DLGAP2: variants seen among roughly 807,000 people sequenced by gnomAD.
The protein encoded by DLGAP2 is disks large-associated protein 2.
Under a neutral mutation model 100.3 loss-of-function variants are expected in DLGAP2, and 26 were observed. The ratio of observed to expected loss-of-function variants is 0.26; its 90% CI spans 0.19 to 0.36. The LOEUF is 0.36. Ranked by LOEUF, DLGAP2 falls within the 10% of genes least tolerant of loss-of-function variation. The probability of loss-of-function intolerance (pLI) is 1.00; values close to 1 mark genes in which losing one functional copy is unlikely to be tolerated. For missense variants in DLGAP2, 1,858 were observed against 1,453.2 expected (o/e 1.28, Z -4.53); for synonymous variants, 886 against 630.1 (o/e 1.41, Z -6.08).
chr8:1,472,512 G>A lies in DLGAP2; in HGVS notation c.107-28854G>A, dbSNP rs545806208. Among the ~76,000 whole-genome samples the A allele has an allele frequency of 2.0e-5, 3 of 152,310 alleles. No individual in the cohort carries two copies. The South Asian group carries it at 6.2e-4, about 32-fold the overall frequency. ...TCACTAAACAAGGACAAGGGTAGAA[G>A]CAAGGAGATGAAGCAGGAAATGTCA... On this transcript the variant is annotated intron_variant, in intron 3 of 14. Transcript: ENST00000637795.
chr8:1,573,284 G>A (rs1802820572), intron 6 of DLGAP2, among the ~76,000 whole-genome samples: 3 of 132,686 alleles, frequency 2.3e-5, no homozygotes, highest in African/African-American at 8.8e-5. Flanking sequence ...GACTGTGGGG[G>A]TGTCTGATGA....
chr8:1,194,514 G>A (rs1035378165), intron 2 of DLGAP2, among the ~76,000 whole-genome samples: 2 of 152,134 alleles, frequency 1.3e-5, no homozygotes, highest in Admixed American at 6.5e-5. Flanking sequence ...GTCCCTCTGG[G>A]TCACTCCTTG....
chr8:1,516,635 ATGAG>A (rs893503365), intron 4 of DLGAP2, among the ~76,000 whole-genome samples: 10 of 144,424 alleles, frequency 6.9e-5, no homozygotes, highest in East Asian at 2.0e-4. Flanking sequence ...GAAGGAGTGA[ATGAG>A]TGAGTGAGTG....
chr8:1,258,567 C>A (rs1457221866), intron 2 of DLGAP2, among the ~76,000 whole-genome samples: 1 of 152,078 alleles, frequency 6.6e-6, no homozygotes, highest in Admixed American at 6.6e-5. Flanking sequence ...GCTGCACGTT[C>A]TGCACATGTA....
At position 1,631,753 on chromosome 8, in the gene DLGAP2, C is replaced by T. The variant is rs75343236; in HGVS notation, c.1591-1074C>T. On this transcript the variant is annotated intron_variant, in intron 7 of 14. Coordinates refer to ENST00000637795, the MANE Select transcript of DLGAP2 (RefSeq NM_001346810.2). The stretch of plus-strand genomic sequence containing the variant: ...CAGGGTCCATGCTGAGTTAGGCTCA[C>T]GAGGAAAGAGGCCGTCCTTCCAGCA... Among the ~76,000 whole-genome samples the T allele has an allele frequency of 9.0e-3, 1,374 of 152,294 alleles. 20 individuals are homozygous for T. Among genetic ancestry groups the T allele is most frequent in the African/African-American group, 0.031 (1,304 of 41,550 alleles).
chr8:1,625,875 C>A (rs1436929384), intron 6 of DLGAP2, among the ~76,000 whole-genome samples: 1 of 152,148 alleles, frequency 6.6e-6, no homozygotes, highest in African/African-American at 2.4e-5. Context: ...TTGCATATGG[C>A]AAAGTTACTC....
In DLGAP2 at chr8:1,388,611, G is replaced by A. The variant is rs1214719483; in HGVS notation, c.107-112755G>A. 8.3e-5 allele frequency among the ~76,000 whole-genome samples: 7 copies of A among 84,820 alleles called. 2 individuals carry two copies. The highest frequency in any genetic ancestry group is 1.0e-4 in the Non-Finnish European group (4 of 38,504). 55.6% of individuals were successfully genotyped at this position (84,820 alleles called of 152,430 possible). A position where few individuals can be genotyped will look rare whatever the true frequency, so the allele number is the denominator to read the frequency against. On this transcript the variant is annotated intron_variant, in intron 3 of 14. Coordinates refer to ENST00000637795, the MANE Select transcript of DLGAP2 (RefSeq NM_001346810.2). ...TGTCAGGGCTGTGAGAGCAGAGGCC[G>A]TGGATGGGGAGGCTCTGGTTCAGGT...
chr8:1,583,561 C>T (rs938132710), intron 6 of DLGAP2, among the ~76,000 whole-genome samples: 21 of 152,212 alleles, frequency 1.4e-4, no homozygotes, highest in African/African-American at 5.1e-4. Flanking sequence ...AAAGAAATCA[C>T]AGTTTTTGCA....
chr8:1,529,348 GATTGTC>G (rs1189419401), intron 4 of DLGAP2, among the ~76,000 whole-genome samples: 1 of 152,154 alleles, frequency 6.6e-6, no homozygotes, highest in Non-Finnish European at 1.5e-5. Context: ...GGATTATAGG[GATTGTC>G]ATTGAAGATG....
intron 1 of DLGAP2, among the ~76,000 whole-genome samples, chr8:835,943 C>T (rs1238218724): frequency 6.6e-6 from 1 of 152,144 alleles, no homozygotes; most frequent in Admixed American, 6.5e-5. Flanking sequence ...GTATCAAACG[C>T]AGACCTTTTC....
At chr8:1,039,169 G>A (rs758267405) in intron 2 of DLGAP2, among the ~76,000 whole-genome samples, 5 of 76,534 alleles carry the variant, frequency 6.5e-5, no homozygotes, top group East Asian at 3.6e-4. Context: ...TGGTCAGCTC[G>A]GTGTGCGTGG....
chr8:1,678,450 T>G lies in DLGAP2; in HGVS notation c.2525T>G (p.Leu842Arg). The G allele has an allele frequency of 1.2e-6, 2 of 1,613,538 alleles. No homozygotes were observed. The highest frequency in any genetic ancestry group is 2.2e-5 in the East Asian group (1 of 44,848). The change falls in exon 12 of 15, where the codon CTG becomes CGG. Residue 842 changes from leucine to arginine, a missense_variant. Transcript: ENST00000637795. ...CGGACCCAAGTGGACACCTCCACCCTGCCCCCTCCAGACCCCTGGCTGGAG... is the reference window on the plus strand; with the variant it reads ...CGGACCCAAGTGGACACCTCCACCCGGCCCCCTCCAGACCCCTGGCTGGAG... Reference protein sequence around the residue: ...DYRTQVDTSTLPPPDPWLEPA... With the variant: ...DYRTQVDTSTRPPPDPWLEPA...
At chr8:1,373,280 C>G (rs909818424) in intron 3 of DLGAP2, among the ~76,000 whole-genome samples, 35 of 151,422 alleles carry the variant, frequency 2.3e-4, no homozygotes, top group Non-Finnish European at 4.6e-4. Flanking sequence ...GCGTGCGGCC[C>G]GGAGGGTGTC....
chr8:1,641,533 C>T (rs533005468), intron 8 of DLGAP2, among the ~76,000 whole-genome samples: 6 of 152,248 alleles, frequency 3.9e-5, no homozygotes, highest in East Asian at 3.9e-4. Context: ...ACTAGAGCCA[C>T]GGGTTCCTGA....
chr8:742,580 C>G (rs184435088), intron 1 of DLGAP2, among the ~76,000 whole-genome samples: 1 of 152,212 alleles, frequency 6.6e-6, no homozygotes, highest in African/African-American at 2.4e-5. Flanking sequence ...ATGATCATAG[C>G]TAACTGCAGT....
intron 2 of DLGAP2, among the ~76,000 whole-genome samples, chr8:1,223,420 G>A (rs1251311949): frequency 1.3e-5 from 2 of 152,200 alleles, no homozygotes; most frequent in African/African-American, 4.8e-5. Flanking sequence ...ACTGTTCAGG[G>A]TGGGGAGAAG....
chr8:1,425,096 T>C (rs2108121), intron 3 of DLGAP2, among the ~76,000 whole-genome samples: 32,371 of 152,066 alleles, frequency 0.21, 3,814 homozygotes, highest in Middle Eastern at 0.29. Context: ...TTGTATAGTA[T>C]TTTGCCAACT....
At chr8:1,049,773 G>GGCACAT (rs1032703653) in intron 2 of DLGAP2, among the ~76,000 whole-genome samples, 1 of 152,136 alleles carries the variant, frequency 6.6e-6, no homozygotes, top group African/African-American at 2.4e-5. Flanking sequence ...CATAGACACA[G>GGCACAT]GCACATGCAC....
chr8:1,145,079 G>A (rs1796583800), intron 2 of DLGAP2, among the ~76,000 whole-genome samples: 1 of 152,234 alleles, frequency 6.6e-6, no homozygotes, highest in Non-Finnish European at 1.5e-5. Context: ...ATTAGTAGGT[G>A]GCCAAGGGAC....
Sources: allele counts gnomAD v4.1 joint callset (sites outside exome capture counted in the v4.1 genomes callset), GRCh38; gene constraint gnomAD v4.1.1; transcripts MANE v1.5; gene names NCBI Gene and HGNC (gene_info 2026-07-23, HGNC 2026-07-21).